The following CACNA1C variants were observed in gnomAD, a reference collection of about 807,000 sequenced individuals.
CACNA1C encodes calcium voltage-gated channel subunit alpha1 C.
In CACNA1C, 30 loss-of-function variants were observed where a neutral mutation model predicts 229.0. The ratio of observed to expected loss-of-function variants is 0.13; its 90% confidence interval spans 0.10 to 0.18. The LOEUF (loss-of-function observed/expected upper bound fraction) is 0.18. Among genes scored for constraint, CACNA1C ranks in the 10% least tolerant of loss-of-function variants. CACNA1C has a pLI of 1.00. For missense variants in CACNA1C, 1,658 were observed against 2,845.0 expected, an observed-to-expected ratio of 0.58 and a Z score of 9.49; for synonymous variants, 1,114 against 1,132.5, an observed-to-expected ratio of 0.98 and a Z score of 0.33.
chr12:2,466,970 C>T (rs746325097), intron 5 of CACNA1C, among the ~76,000 whole-genome samples: 2 of 152,154 alleles, frequency 1.3e-5, no homozygotes, highest in Non-Finnish European at 2.9e-5. Flanking sequence ...GCTTTTTATC[C>T]CCTTTGTCTT....
At chr12:2,099,143 T>C (rs1011802005) in intron 1 of CACNA1C, among the ~76,000 whole-genome samples, 2 of 152,144 alleles carry the variant, frequency 1.3e-5, no homozygotes, top group Non-Finnish European at 2.9e-5. Context: ...TCATGCTTCA[T>C]GGAGGCGAGC....
At chr12:2,519,556 A>C (rs542209763) in intron 9 of CACNA1C, among the ~76,000 whole-genome samples, 35 of 152,300 alleles carry the variant, frequency 2.3e-4, no homozygotes, top group Admixed American at 5.2e-4. Flanking sequence ...GCGAATAAGC[A>C]CAGAGCCCCC....
chr12:2,015,534 G>C (rs1258494918), intron 1 of CACNA1C, among the ~76,000 whole-genome samples: 1 of 152,244 alleles, frequency 6.6e-6, no homozygotes, highest in Non-Finnish European at 1.5e-5. Context: ...CTGAAGCACA[G>C]AGAAGTGGCT....
At chr12:2,599,464 C>G (rs538589634) in intron 21 of CACNA1C, among the ~76,000 whole-genome samples, 1 of 152,188 alleles carries the variant, frequency 6.6e-6, no homozygotes, top group East Asian at 1.9e-4. Flanking sequence ...AGGACCGTCA[C>G]ATAGAAGAGG....
intron 3 of CACNA1C, among the ~76,000 whole-genome samples, chr12:2,123,369 C>A (rs1253546157): frequency 1.8e-5 from 2 of 113,572 alleles, no homozygotes; most frequent in African/African-American, 3.8e-5. Flanking sequence ...GAAGGAGACT[C>A]CATCTCAAAA....
chr12:2,462,352 C>CA (rs1184842881), intron 5 of CACNA1C, among the ~76,000 whole-genome samples: 5 of 150,008 alleles, frequency 3.3e-5, no homozygotes, highest in Non-Finnish European at 4.4e-5. Flanking sequence ...GCTCAGCTCT[C>CA]TGCACAGGCC....
At chr12:2,617,412 A>G (rs941053632) in intron 29 of CACNA1C, among the ~76,000 whole-genome samples, 3 of 152,202 alleles carry the variant, frequency 2.0e-5, no homozygotes, top group Non-Finnish European at 4.4e-5. Flanking sequence ...TGGTCGTCCT[A>G]GTGGCGAGCA....
intron 13 of CACNA1C, 22 bp downstream of exon 13, chr12:2,567,816 T>A: frequency 7.0e-7 from 1 of 1,438,368 alleles, no homozygotes; most frequent in Non-Finnish European, 9.7e-7. Flanking sequence ...CCCCTCTCAC[T>A]TTGAAGAGGG....
chr12:2,331,040 T>C (rs1377573362), intron 3 of CACNA1C, among the ~76,000 whole-genome samples: 1 of 152,292 alleles, frequency 6.6e-6, no homozygotes, highest in East Asian at 1.9e-4. Context: ...TTACCACGAA[T>C]GTAGTATTTT....
At chr12:2,116,656 C>A (rs556158980) in intron 2 of CACNA1C, among the ~76,000 whole-genome samples, 1 of 152,168 alleles carries the variant, frequency 6.6e-6, no homozygotes, top group African/African-American at 2.4e-5. Context: ...TGTAATCTGC[C>A]ACCGTGCCCA....
intron 13 of CACNA1C, among the ~76,000 whole-genome samples, chr12:2,570,677 T>C (rs535888226): frequency 6.6e-6 from 1 of 152,042 alleles, no homozygotes; most frequent in Admixed American, 6.5e-5. Flanking sequence ...TATAGTCTGG[T>C]TGGGGAGATG....
chr12:2,360,580 C>T (rs550831795), intron 3 of CACNA1C, among the ~76,000 whole-genome samples: 13 of 152,290 alleles, frequency 8.5e-5, no homozygotes, highest in East Asian at 3.9e-4. Context: ...CAGACACCAC[C>T]GCTGCCCCAC....
intron 3 of CACNA1C, among the ~76,000 whole-genome samples, chr12:2,195,825 G>A (rs773119572): frequency 2.6e-5 from 4 of 152,192 alleles, no homozygotes; most frequent in Non-Finnish European, 4.4e-5. Flanking sequence ...GAATTCGTAT[G>A]TCAGATCTGG....
chr12:2,576,448 T>G (rs1013721419), intron 13 of CACNA1C, among the ~76,000 whole-genome samples: 1 of 152,176 alleles, frequency 6.6e-6, no homozygotes, highest in African/African-American at 2.4e-5. Context: ...CCATGAGGCC[T>G]GTGACCAAAA....
At chr12:2,342,035 G>A (rs2096879939) in intron 3 of CACNA1C, among the ~76,000 whole-genome samples, 1 of 152,182 alleles carries the variant, frequency 6.6e-6, no homozygotes, top group Non-Finnish European at 1.5e-5. Context: ...GGTATTACAG[G>A]GCCCAGTCAT....
chr12:2,383,363 C>T (rs1021997730), intron 3 of CACNA1C, among the ~76,000 whole-genome samples: 3 of 152,118 alleles, frequency 2.0e-5, no homozygotes, highest in Admixed American at 6.5e-5. Context: ...TTGGAATAAT[C>T]GTAACCACTC....
chr12:2,105,155 T>C (rs1052948714), intron 1 of CACNA1C, among the ~76,000 whole-genome samples: 2 of 152,228 alleles, frequency 1.3e-5, no homozygotes, highest in African/African-American at 4.8e-5. Context: ...TGTGGTTTAC[T>C]GGATCACTAG....
chr12:2,523,180 T>C (rs2099813215), intron 9 of CACNA1C, among the ~76,000 whole-genome samples: 2 of 146,270 alleles, frequency 1.4e-5, no homozygotes, highest in Admixed American at 1.4e-4. Flanking sequence ...AGGGCATGGG[T>C]TTGATTTTTT....
intron 1 of CACNA1C, among the ~76,000 whole-genome samples, chr12:2,026,096 T>C (rs905558858): frequency 1.3e-5 from 2 of 152,108 alleles, no homozygotes; most frequent in African/African-American, 4.8e-5. Context: ...TATTCAGTGG[T>C]GGATGGATGG....
Sources: allele counts gnomAD v4.1 joint callset (sites outside exome capture counted in the v4.1 genomes callset), GRCh38; gene constraint gnomAD v4.1.1; transcripts MANE v1.5; gene names NCBI Gene and HGNC (gene_info 2026-07-23, HGNC 2026-07-21).